The following MTCL3 variants were observed in gnomAD, a reference collection of about 807,000 sequenced individuals.
MTCL3 encodes MTCL family member 3.
At chr6:127,515,709 G>C in the MTCL3 span, 1 of 1,580,732 alleles carries the variant, frequency 6.3e-7, no homozygotes, top group South Asian at 1.1e-5. This position sits in a 1 kb window ranked among gnomAD's most constrained non-coding sequence, Gnocchi z 4.3. Context: ...CGACGGCCAG[G>C]GTCTCGCAAA....
At chr6:127,475,613 A>G in the MTCL3 span, 2 of 1,600,714 alleles carry the variant, frequency 1.2e-6, no homozygotes, top group South Asian at 2.2e-5. This position sits in a 1 kb window ranked among gnomAD's most constrained non-coding sequence, Gnocchi z 7.3. Flanking sequence ...CTCTTGGGCC[A>G]GGGCCCGGGC....
At chr6:127,518,869 C>CTA in the MTCL3 span, 1 of 152,330 alleles carries the variant, frequency 6.6e-6, no homozygotes, top group Non-Finnish European at 1.5e-5. Flanking sequence ...TCTCAGCAGG[C>CTA]TAACACGCGA....
At chr6:127,500,596 G>A in the MTCL3 span, among the ~76,000 whole-genome samples, 1 of 152,112 alleles carries the variant, frequency 6.6e-6, no homozygotes, top group African/African-American at 2.4e-5. Flanking sequence ...TGTCATGGCA[G>A]TTTGTTGTAC....
chr6:127,511,967 C>T, the MTCL3 span, among the ~76,000 whole-genome samples: 1 of 152,108 alleles, frequency 6.6e-6, no homozygotes, highest in Non-Finnish European at 1.5e-5. Context: ...TCTGCTTATC[C>T]AAGCAGAGGA....
chr6:127,504,640 T>G, the MTCL3 span, among the ~76,000 whole-genome samples: 1 of 152,098 alleles, frequency 6.6e-6, no homozygotes. Flanking sequence ...AACTGTGCCC[T>G]GAGAATCTCT....
At chr6:127,510,161 T>C in the MTCL3 span, among the ~76,000 whole-genome samples, 15 of 152,238 alleles carry the variant, frequency 9.9e-5, no homozygotes, top group African/African-American at 3.1e-4. Flanking sequence ...AGGCTGATGT[T>C]CTGCATATAT....
chr6:127,509,464 G>A, the MTCL3 span, among the ~76,000 whole-genome samples: 1 of 152,168 alleles, frequency 6.6e-6, no homozygotes, highest in Non-Finnish European at 1.5e-5. Context: ...TGGTCTATTG[G>A]TCCCAGCGGT....
chr6:127,505,798 G>T, the MTCL3 span, among the ~76,000 whole-genome samples: 2 of 152,116 alleles, frequency 1.3e-5, no homozygotes. Flanking sequence ...GCAACGCTTT[G>T]CCATCTATAT....
the MTCL3 span, among the ~76,000 whole-genome samples, chr6:127,487,273 G>A: frequency 2.0e-5 from 3 of 152,186 alleles, no homozygotes; most frequent in Non-Finnish European, 4.4e-5. Context: ...TATTATTTCT[G>A]AGCATATCCT....
At chr6:127,491,418 C>A in the MTCL3 span, among the ~76,000 whole-genome samples, 10 of 152,304 alleles carry the variant, frequency 6.6e-5, no homozygotes, top group Admixed American at 1.3e-4. Flanking sequence ...GACCCGCCAT[C>A]CAACTAGATG....
chr6:127,507,864 A>AAG, the MTCL3 span, among the ~76,000 whole-genome samples: 2 of 150,132 alleles, frequency 1.3e-5, no homozygotes, highest in African/African-American at 4.9e-5. Flanking sequence ...AAAAAAAAAA[A>AAG]AAAAAAGAAA....
At chr6:127,515,503 A>G in the MTCL3 span, 1 of 1,397,748 alleles carries the variant, frequency 7.2e-7, no homozygotes, top group South Asian at 1.8e-5. This position sits in a 1 kb window ranked among gnomAD's most constrained non-coding sequence, Gnocchi z 4.3. Context: ...GGGTCCCCCC[A>G]CCCTCCTCAC....
the MTCL3 span, chr6:127,514,838 C>T: frequency 6.2e-7 from 1 of 1,612,576 alleles, no homozygotes; most frequent in Non-Finnish European, 8.5e-7. Context: ...GGTCCTGCTC[C>T]AGGCTGCGCA....
chr6:127,511,270 G>T, the MTCL3 span, among the ~76,000 whole-genome samples: 2 of 152,158 alleles, frequency 1.3e-5, no homozygotes, highest in Non-Finnish European at 2.9e-5. Flanking sequence ...TGCTGTTTAA[G>T]CCACCCAGTT....
the MTCL3 span, chr6:127,516,350 T>C: frequency 1.3e-6 from 2 of 1,595,020 alleles, no homozygotes; most frequent in African/African-American, 2.7e-5. Context: ...GGCGGCCCCG[T>C]GCGGCTCCCG....
chr6:127,516,189 C>A, the MTCL3 span: 1 of 1,431,216 alleles, frequency 7.0e-7, no homozygotes, highest in Non-Finnish European at 9.1e-7. Flanking sequence ...GCTCCTCGGG[C>A]GGTCCGGGCC....
chr6:127,478,939 C>T, the MTCL3 span, among the ~76,000 whole-genome samples: 2 of 150,790 alleles, frequency 1.3e-5, no homozygotes, highest in African/African-American at 4.9e-5. Context: ...ATTGCTTGAA[C>T]CCCGGAGGCA....
chr6:127,505,375 A>G, the MTCL3 span, among the ~76,000 whole-genome samples: 1 of 152,226 alleles, frequency 6.6e-6, no homozygotes, highest in Admixed American at 6.5e-5. Flanking sequence ...CAGGGACATG[A>G]ATGGAGCTGG....
At chr6:127,512,830 T>C in the MTCL3 span, 3 of 1,483,668 alleles carry the variant, frequency 2.0e-6, no homozygotes, top group East Asian at 2.3e-5. Flanking sequence ...TATTAGTCCT[T>C]GGGATTCTTT....
Sources: gnomAD v4.1 joint callset for allele counts (sites outside exome capture counted in the v4.1 genomes callset) on GRCh38, gnomAD v4.1.1 for gene constraint, Gnocchi (gnomAD v3.1) non-coding constraint, MANE v1.5 for transcripts, NCBI Gene and HGNC (gene_info 2026-07-23, HGNC 2026-07-21) for gene names.